The following RREB1 variants were observed in gnomAD, a reference collection of about 807,000 sequenced individuals.
RREB1 encodes the protein ras-responsive element-binding protein 1.
A neutral mutation model predicts 117.8 loss-of-function variants in RREB1; 27 were observed. The observed-to-expected ratio is 0.23, with a 90% CI of 0.17 to 0.32. The LOEUF is 0.32. Ranked by LOEUF, RREB1 falls within the 10% of genes least tolerant of loss-of-function variation. The pLI is 1.00. For synonymous variants in RREB1, 1,298 were observed against 1,026.7 expected (o/e 1.26, Z -5.05); for missense variants, 2,577 against 2,378.2 (o/e 1.08, Z -1.74).
chr6:7,249,799 ATAT>A lies in RREB1; in HGVS notation c.*855_*857del, dbSNP rs60940908. ...TTCCCTTTCAGTATATGTATTATTA[ATAT>A]TATTATTATTATTATTATTATTAGT... On this transcript the variant is annotated 3_prime_UTR_variant, in exon 13 of 13. Coordinates refer to ENST00000379938, the MANE Select transcript of RREB1 (RefSeq NM_001003699.4). 383 of 150,366 alleles carry A rather than the reference ATAT, an allele frequency of 2.5e-3. No homozygotes were observed. Among genetic ancestry groups the A allele is most frequent in the East Asian group, 4.3e-3 (22 of 5,140 alleles). The allele number at this position is 150,366 out of a possible 1,614,324, so 9.3% of individuals were successfully genotyped here.
chr6:7,248,624 G>C lies in RREB1; in HGVS notation c.4885G>C (p.Asp1629His), dbSNP rs1428913197. ...KARHAKHHGK[D>H]SDKEERGEED... ...CAGGCATGCCAAACACCACGGGAAG[G>C]ACAGCGACAAGGAAGAGCGGGGTGA... is the stretch of plus-strand genomic sequence containing the variant. The change falls in exon 13 of 13, where the codon GAC (aspartate) becomes CAC (histidine). Residue 1629 changes from aspartate (D) to histidine (H), a missense_variant. By Grantham distance (81) the Asp-to-His change is moderately conservative (BLOSUM62 -1). Transcript: ENST00000379938. The C allele has an allele frequency of 6.2e-7, 1 of 1,614,272 alleles. No individual in the cohort carries two copies. The highest frequency in any genetic ancestry group is 8.5e-7 in the Non-Finnish European group (1 of 1,180,056).
intron 1 of RREB1, among the ~76,000 whole-genome samples, chr6:7,120,173 G>C (rs1011705991): frequency 1.3e-5 from 2 of 150,820 alleles, no homozygotes; most frequent in African/African-American, 2.4e-5. Flanking sequence ...TACCTAGGCC[G>C]GGCGTGGTGG....
chr6:7,120,054 T>C (rs1761604543), intron 1 of RREB1, among the ~76,000 whole-genome samples: 1 of 152,100 alleles, frequency 6.6e-6, no homozygotes, highest in African/African-American at 2.4e-5. Flanking sequence ...GAACAAGGTG[T>C]GTTCTCTACC....
At chr6:7,181,050 A>G (rs1764768738) in intron 2 of RREB1, 74 bp from the exon 3 acceptor site, 1 of 396,400 alleles carries the variant, frequency 2.5e-6, no homozygotes, top group South Asian at 1.4e-4. Flanking sequence ...CTAAGATTAT[A>G]GCCAATAAAT....
chr6:7,161,912 G>A (rs1763686738), intron 1 of RREB1, among the ~76,000 whole-genome samples: 1 of 152,166 alleles, frequency 6.6e-6, no homozygotes, highest in Non-Finnish European at 1.5e-5. Context: ...GCTACCAAGA[G>A]CTTTTTAAGC....
intron 1 of RREB1, among the ~76,000 whole-genome samples, chr6:7,173,568 G>A (rs546552416): frequency 3.4e-4 from 52 of 151,696 alleles, no homozygotes; most frequent in Non-Finnish European, 6.5e-4. Context: ...AGGCTGAGGC[G>A]GGTAGATCAC....
At chr6:7,144,581 T>A (rs1227873946) in intron 1 of RREB1, among the ~76,000 whole-genome samples, 1 of 152,180 alleles carries the variant, frequency 6.6e-6, no homozygotes, top group African/African-American at 2.4e-5. Flanking sequence ...ATATAGGTGC[T>A]GTGTTCTCTG....
chr6:7,209,794 C>T (rs988116928), intron 6 of RREB1, among the ~76,000 whole-genome samples: 1 of 151,970 alleles, frequency 6.6e-6, no homozygotes, highest in Non-Finnish European at 1.5e-5. Context: ...CAGGATAGCT[C>T]ATGAAAATTT....
At chr6:7,189,385 G>C (rs534220672) in intron 6 of RREB1, 63 bp downstream of exon 6, 1 of 1,462,368 alleles carries the variant, frequency 6.8e-7, no homozygotes, top group South Asian at 1.3e-5. Flanking sequence ...AGGCAGGACA[G>C]TGGCCTCTGA....
At position 7,198,445 on chromosome 6, in the gene RREB1, G is replaced by A. The variant is rs116539774; in HGVS notation, c.425+9123G>A. Among the ~76,000 whole-genome samples, 1,251 of 152,276 alleles carry A rather than the reference G, an allele frequency of 8.2e-3. 10 individuals carry two copies. The highest frequency in any genetic ancestry group is 0.013 in the Non-Finnish European group (906 of 68,024). On this transcript the variant is annotated intron_variant, in intron 6 of 12. Coordinates refer to ENST00000379938, the MANE Select transcript of RREB1 (RefSeq NM_001003699.4). ...CAGTTGTCTACATCCAAGGGGGAAG[G>A]ACAAATCAAAAGCAAATGTCCTTCA... is the stretch of plus-strand genomic sequence containing the variant.
intron 1 of RREB1, among the ~76,000 whole-genome samples, chr6:7,110,944 T>A (rs1761112166): frequency 6.6e-6 from 1 of 152,248 alleles, no homozygotes; most frequent in African/African-American, 2.4e-5. Context: ...GTATTTGTTA[T>A]GTGATGGGGA....
chr6:7,155,950 C>T (rs888573039), intron 1 of RREB1, among the ~76,000 whole-genome samples: 4 of 152,164 alleles, frequency 2.6e-5, no homozygotes, highest in South Asian at 2.1e-4. Flanking sequence ...TGGACAGTAC[C>T]GGCTTTAACT....
chr6:7,177,155 G>GTTGCAGTGAGCTGAGA (rs1181253571), intron 2 of RREB1, among the ~76,000 whole-genome samples: 1 of 148,140 alleles, frequency 6.8e-6, no homozygotes, highest in East Asian at 2.0e-4. Flanking sequence ...GGAGGCAGAG[G>GTTGCAGTGAGCTGAGA]TTGCAGTGAG....
At chr6:7,192,068 G>T (rs1765429957) in intron 6 of RREB1, among the ~76,000 whole-genome samples, 1 of 102,666 alleles carries the variant, frequency 9.7e-6, no homozygotes, top group Non-Finnish European at 2.0e-5. Flanking sequence ...TCTTTTCCTA[G>T]TTTTTTGAGT....
Position 7,229,135 on chromosome 6 carries a change from G to A in RREB1, c.1036G>A (p.Glu346Lys). ...CCATGTGGCGGCAGACCAGGGTCAA[G>A]AAAAGCCGCAGGCCACGCCCCTGCC... Reference protein sequence around the residue: ...QTHVAADQGQEKPQATPLPGD... With the variant: ...QTHVAADQGQKKPQATPLPGD... The change falls in exon 10 of 13, where the codon GAA becomes AAA. Residue 346 changes from glutamate (E) to lysine (K), a missense_variant. Physicochemically the swap from Glu to Lys is moderately conservative, Grantham distance 56. Transcript: ENST00000379938. This position sits in a 1 kb window ranked among gnomAD's most constrained non-coding sequence, Gnocchi z 4.5. 1 of 1,609,212 alleles carries A rather than the reference G, an allele frequency of 6.2e-7. No individual in the cohort carries two copies. Among genetic ancestry groups the A allele is most frequent in the South Asian group, 1.1e-5 (1 of 90,872 alleles).
At chr6:7,126,194 G>A (rs536407589) in intron 1 of RREB1, among the ~76,000 whole-genome samples, 20 of 152,258 alleles carry the variant, frequency 1.3e-4, no homozygotes, top group African/African-American at 4.3e-4. Flanking sequence ...TAGAGGCTGG[G>A]TTTCACTATG....
At chr6:7,126,144 GGT>G (rs1491443378) in intron 1 of RREB1, among the ~76,000 whole-genome samples, 7 of 152,122 alleles carry the variant, frequency 4.6e-5, no homozygotes, top group African/African-American at 1.4e-4. Context: ...TGGGATTACA[GGT>G]GCGCACCACC....
intron 8 of RREB1, among the ~76,000 whole-genome samples, chr6:7,223,833 AC>A (rs1767429204): frequency 6.6e-6 from 1 of 152,128 alleles, no homozygotes; most frequent in Non-Finnish European, 1.5e-5. Flanking sequence ...TCTCAGTCCT[AC>A]CTGCCTGCCT....
chr6:7,144,155 C>T (rs1461394833), intron 1 of RREB1, among the ~76,000 whole-genome samples: 3 of 151,696 alleles, frequency 2.0e-5, no homozygotes, highest in Non-Finnish European at 4.4e-5. Context: ...TTTCCTAAGT[C>T]ATTATATTTT....
Sources: gnomAD v4.1 joint callset for allele counts (sites outside exome capture counted in the v4.1 genomes callset) on GRCh38, gnomAD v4.1.1 for gene constraint, Gnocchi (gnomAD v3.1) non-coding constraint, MANE v1.5 for transcripts, NCBI Gene and HGNC (gene_info 2026-07-23, HGNC 2026-07-21) for gene names.